Variants in ASCC3 observed in about 807,000 individuals in gnomAD.
The protein encoded by ASCC3 is activating signal cointegrator 1 complex subunit 3.
ASCC3 carries 158 observed loss-of-function variants against 256.3 expected under a neutral mutation model. That is an observed-to-expected ratio of 0.62 (90% CI 0.54 to 0.70). The LOEUF is 0.70. Among genes scored for constraint, ASCC3 ranks in the 30% least tolerant of loss-of-function variants. ASCC3 has a pLI of 0.00. For synonymous variants in ASCC3, 948 were observed against 883.4 expected, an observed-to-expected ratio of 1.07 and a Z score of -1.30; for missense variants, 2,259 against 2,626.0, an observed-to-expected ratio of 0.86 and a Z score of 3.05.
At chr6:100,855,124 C>CT (rs1772879967) in intron 3 of ASCC3, among the ~76,000 whole-genome samples, 2 of 118,546 alleles carry the variant, frequency 1.7e-5, no homozygotes, top group African/African-American at 6.3e-5. Context: ...TTTTTTTTTT[C>CT]TTTTTTAGAG....
chr6:100,810,521 T>A (rs1454248499), intron 4 of ASCC3, among the ~76,000 whole-genome samples: 1 of 152,180 alleles, frequency 6.6e-6, no homozygotes, highest in African/African-American at 2.4e-5. Flanking sequence ...TTCTTTCAAA[T>A]TTTTAACCCT....
At chr6:100,758,829 C>T (rs574345077) in intron 10 of ASCC3, among the ~76,000 whole-genome samples, 1 of 152,306 alleles carries the variant, frequency 6.6e-6, no homozygotes, top group East Asian at 1.9e-4. Context: ...CTGTCTTCCA[C>T]AATGGCTGAA....
chr6:100,553,092 C>T (rs1769385337), intron 36 of ASCC3, among the ~76,000 whole-genome samples: 1 of 152,030 alleles, frequency 6.6e-6, no homozygotes, highest in African/African-American at 2.4e-5. Context: ...CACCACTTTA[C>T]TTAGTTCTCA....
At chr6:100,635,871 C>G (rs1193430478) in intron 25 of ASCC3, among the ~76,000 whole-genome samples, 2 of 151,994 alleles carry the variant, frequency 1.3e-5, no homozygotes, top group Non-Finnish European at 2.9e-5. Flanking sequence ...TATAATCAAA[C>G]TATATTAAAG....
At chr6:100,871,019 C>G (rs753869212) in intron 1 of ASCC3, among the ~76,000 whole-genome samples, 1 of 152,172 alleles carries the variant, frequency 6.6e-6, no homozygotes, top group Non-Finnish European at 1.5e-5. Context: ...ATTTACATTT[C>G]CAACAACTTT....
At chr6:100,725,477 C>T (rs2115039154) in intron 11 of ASCC3, 62 bp downstream of exon 11, 3 of 1,540,188 alleles carry the variant, frequency 1.9e-6, no homozygotes, top group South Asian at 1.1e-5. Context: ...GAAAATGCTA[C>T]ATTTTAAGTT....
chr6:100,707,336 A>C (rs1778633003), intron 13 of ASCC3, among the ~76,000 whole-genome samples: 1 of 152,088 alleles, frequency 6.6e-6, no homozygotes, highest in African/African-American at 2.4e-5. Flanking sequence ...TGCTTCTGTC[A>C]TATTTTTGAA....
At chr6:100,660,893 T>C (rs1192743150) in intron 16 of ASCC3, among the ~76,000 whole-genome samples, 1 of 151,684 alleles carries the variant, frequency 6.6e-6, no homozygotes, top group Non-Finnish European at 1.5e-5. Flanking sequence ...TTTCTCCCCT[T>C]TTGGAATATA....
intron 3 of ASCC3, among the ~76,000 whole-genome samples, chr6:100,854,598 G>T (rs939532815): frequency 6.6e-6 from 1 of 152,102 alleles, no homozygotes; most frequent in African/African-American, 2.4e-5. Context: ...CTATGTTTTA[G>T]AAACAGCCAT....
rs558106815 is a variant in ASCC3, at chr6:100,799,704, G to T, written c.1128-132C>A. ...AAAAAAGAAATTAAACTACACAAAGGAAGATTTTAGGAATCCTGAAATTTT... is the reference window on the plus strand; with the variant it reads ...AAAAAAGAAATTAAACTACACAAAGTAAGATTTTAGGAATCCTGAAATTTT... On this transcript the variant is annotated intron_variant, in intron 6 of 41. Transcript: ENST00000369162. The T allele has an allele frequency of 9.8e-5, 90 of 920,344 alleles. 1 individual carries two copies. The South Asian group carries it at 1.6e-3, about 16-fold the overall frequency. The allele number at this position is 920,344 out of a possible 1,614,324, so 57.0% of individuals were successfully genotyped here. A position where few individuals can be genotyped will look rare whatever the true frequency, so the allele number is the denominator to read the frequency against.
At chr6:100,765,249 C>G (rs975504710) in intron 10 of ASCC3, among the ~76,000 whole-genome samples, 30 of 152,070 alleles carry the variant, frequency 2.0e-4, no homozygotes, top group African/African-American at 7.2e-4. Flanking sequence ...TCTAAGCCCC[C>G]CAACCATCTG....
At chr6:100,554,282 A>G (rs567375484) in intron 36 of ASCC3, among the ~76,000 whole-genome samples, 14 of 152,132 alleles carry the variant, frequency 9.2e-5, no homozygotes, top group African/African-American at 2.9e-4. Context: ...TCTTCCAGGT[A>G]CAGTAACTAT....
intron 36 of ASCC3, among the ~76,000 whole-genome samples, chr6:100,574,174 C>G (rs568572041): frequency 1.6e-4 from 24 of 152,216 alleles, no homozygotes; most frequent in Non-Finnish European, 7.4e-5. Flanking sequence ...TGGTATTCCC[C>G]ACGTGCACTG....
At position 100,653,438 on chromosome 6, in the gene ASCC3, G is replaced by A. The variant is rs190643024; in HGVS notation, c.2824-549C>T. Among the ~76,000 whole-genome samples, 83 of 152,106 alleles carry A rather than the reference G, an allele frequency of 5.5e-4. No individual in the cohort carries two copies. The Middle Eastern group carries it at 0.01, about 19-fold the overall frequency. On this transcript the variant is annotated intron_variant, in intron 17 of 41. Coordinates refer to ENST00000369162, the MANE Select transcript of ASCC3 (RefSeq NM_006828.4). ...GCGGCTCACGAGGTCAGAAGTTTCA[G>A]AGCAGCCTGACAAACAAGGAGAAAC...
intron 30 of ASCC3, among the ~76,000 whole-genome samples, chr6:100,618,670 C>T (rs1007913911): frequency 6.6e-6 from 1 of 152,018 alleles, no homozygotes; most frequent in Non-Finnish European, 1.5e-5. Context: ...AACACTGGGC[C>T]CATAATAAAG....
At chr6:100,737,292 C>T (rs921310589) in intron 10 of ASCC3, among the ~76,000 whole-genome samples, 2 of 151,376 alleles carry the variant, frequency 1.3e-5, no homozygotes, top group African/African-American at 4.9e-5. Context: ...CATAAGAAAA[C>T]GTGTGCCATG....
Position 100,510,116 on chromosome 6 carries a change from C to T in ASCC3, c.6286-9G>A. 6.2e-7 allele frequency: 1 copy of T among 1,613,820 alleles called. No individual in the cohort carries two copies. The highest frequency in any genetic ancestry group is 8.5e-7 in the Non-Finnish European group (1 of 1,179,918). The stretch of plus-strand genomic sequence containing the variant: ...CAGCTCTCTGGCTTTCCCTGTAAAC[C>T]AGAAAAAAAGATACAACATTAAAAA... On this transcript the variant is annotated splice_polypyrimidine_tract_variant and intron_variant, in intron 40 of 41. Coordinates refer to ENST00000369162, the MANE Select transcript of ASCC3 (RefSeq NM_006828.4).
At chr6:100,611,279 G>A (rs1773381680) in intron 30 of ASCC3, among the ~76,000 whole-genome samples, 1 of 152,072 alleles carries the variant, frequency 6.6e-6, no homozygotes, top group African/African-American at 2.4e-5. Context: ...TTCTCTGGAT[G>A]AATTTCAAAT....
chr6:100,546,145 G>A (rs985024366), intron 36 of ASCC3, among the ~76,000 whole-genome samples: 25 of 152,084 alleles, frequency 1.6e-4, no homozygotes, highest in African/African-American at 6.0e-4. Flanking sequence ...AGGAATTCAT[G>A]ATAACATTAT....
Sources: gnomAD v4.1 joint callset for allele counts (sites outside exome capture counted in the v4.1 genomes callset) on GRCh38, gnomAD v4.1.1 for gene constraint, MANE v1.5 for transcripts, NCBI Gene and HGNC (gene_info 2026-07-23, HGNC 2026-07-21) for gene names.